The following CDKL3 variants were observed in gnomAD, a reference collection of about 807,000 sequenced individuals.
CDKL3 encodes the protein cyclin-dependent kinase-like 3.
Under a neutral mutation model 69.3 loss-of-function variants are expected in CDKL3, and 65 were observed. That is an observed-to-expected ratio of 0.94 (90% CI 0.77 to 1.15). CDKL3 has a LOEUF of 1.15. Ranked by LOEUF, CDKL3 falls within the 50% of genes most tolerant of loss-of-function variation. The probability of loss-of-function intolerance (pLI) is 0.00; values close to 1 mark genes in which losing one functional copy is unlikely to be tolerated. For missense variants in CDKL3, 652 were observed against 689.2 expected (o/e 0.95, Z 0.61); for synonymous variants, 202 against 221.6 (o/e 0.91, Z 0.79).
At chr5:134,310,047 T>TTCAAGACCA (rs1294796968) in intron 7 of CDKL3, among the ~76,000 whole-genome samples, 5 of 152,154 alleles carry the variant, frequency 3.3e-5, no homozygotes, top group Non-Finnish European at 7.3e-5. Flanking sequence ...CCCAGGCTGG[T>TTCAAGACCA]CTTGAACTCC....
At chr5:134,300,329 ACT>A (rs751814746) in intron 12 of CDKL3, among the ~76,000 whole-genome samples, 41 of 152,148 alleles carry the variant, frequency 2.7e-4, no homozygotes, top group Non-Finnish European at 5.7e-4. Flanking sequence ...GCAGAGTGAG[ACT>A]CTGTCTCAAT....
chr5:134,365,094 T>C (rs1452360154), intron 2 of CDKL3, among the ~76,000 whole-genome samples: 2 of 151,958 alleles, frequency 1.3e-5, no homozygotes, highest in Non-Finnish European at 2.9e-5. Context: ...GCCATTCTCC[T>C]GCCTCAGCCT....
At chr5:134,331,913 C>A (rs1267377153) in intron 4 of CDKL3, among the ~76,000 whole-genome samples, 1 of 151,514 alleles carries the variant, frequency 6.6e-6, no homozygotes, top group Non-Finnish European at 1.5e-5. Context: ...ATTTACACTC[C>A]CAGTGTAAAA....
chr5:134,292,020 C>T (rs1765144246), intron 8 of CDKL3, among the ~76,000 whole-genome samples: 1 of 152,030 alleles, frequency 6.6e-6, no homozygotes, highest in Non-Finnish European at 1.5e-5. Flanking sequence ...GACAAATCCA[C>T]GATTATAATT....
At chr5:134,290,863 A>G (rs1327283160) in intron 8 of CDKL3, among the ~76,000 whole-genome samples, 2 of 152,100 alleles carry the variant, frequency 1.3e-5, no homozygotes, top group African/African-American at 4.8e-5. Context: ...AAGAACACCC[A>G]GGCAGTGCAT....
chr5:134,296,406 A>C (rs1765351929), downstream of CDKL3, among the ~76,000 whole-genome samples: 1 of 152,212 alleles, frequency 6.6e-6, no homozygotes, highest in Admixed American at 6.5e-5. Context: ...AGACAGTCAT[A>C]CATATTCAGC....
chr5:134,371,507 T>G, upstream of CDKL3: 6 of 1,439,456 alleles, frequency 4.2e-6, no homozygotes, highest in Non-Finnish European at 5.5e-6. Context: ...GCGGCGGCGA[T>G]CCACAGTGAT....
chr5:134,326,094 C>T (rs1256904263), intron 4 of CDKL3, among the ~76,000 whole-genome samples: 1 of 152,008 alleles, frequency 6.6e-6, no homozygotes. Context: ...TTTTTAAGTA[C>T]TCTCTCCACA....
downstream of CDKL3, among the ~76,000 whole-genome samples, chr5:134,283,564 A>G (rs144245362): frequency 5.1e-4 from 78 of 152,260 alleles, no homozygotes; most frequent in East Asian, 0.014. Context: ...CCAAGATTCA[A>G]TTACCTCCCA....
At chr5:134,368,061 T>C (rs1221780681), upstream of CDKL3, among the ~76,000 whole-genome samples, 1 of 152,238 alleles carries the variant, frequency 6.6e-6, no homozygotes, top group Admixed American at 6.5e-5. Flanking sequence ...GGAAAGGCAT[T>C]ATTTAATAAA....
Position 134,359,924 on chromosome 5 carries a change from T to C in CDKL3, c.333A>G (p.Arg111=). The C allele has an allele frequency of 6.3e-7, 1 of 1,585,704 alleles. No individual in the cohort carries two copies. The highest frequency in any genetic ancestry group is 8.6e-7 in the Non-Finnish European group (1 of 1,165,528). ...RLRKYLFQIL[R]AIDYLHSNNI... Reference sequence around the variant, plus strand: ...TATTACTGTGAAGATAGTCAATTGCTCGAAGGATCTGGAAGAGGTATTTTC... The same window carrying C: ...TATTACTGTGAAGATAGTCAATTGCCCGAAGGATCTGGAAGAGGTATTTTC... The change falls in exon 3 of 13, where the codon CGA becomes CGG. Residue 111 remains arginine, a synonymous_variant. Coordinates refer to ENST00000265334, the MANE Select transcript of CDKL3 (RefSeq NM_001113575.2).
In CDKL3 at chr5:134,302,611, A is replaced by T; in HGVS notation, c.1698T>A (p.Asp566Glu). Reference protein sequence around the residue: ...SSKIPTLLNVDQNQEKQEGGD... With the variant: ...SSKIPTLLNVEQNQEKQEGGD... ...TTACCTCTTGTTTTTCTTGATTTTG[A>T]TCCACGTTAAGTAAAGTTGGTATCT... is the stretch of plus-strand genomic sequence containing the variant. The change falls in exon 12 of 13, where the codon GAT becomes GAA. Residue 566 changes from aspartate to glutamate, a missense_variant. Coordinates refer to ENST00000265334, the MANE Select transcript of CDKL3 (RefSeq NM_001113575.2). 2 of 1,587,980 alleles carry T rather than the reference A, an allele frequency of 1.3e-6. No individual in the cohort carries two copies. Among genetic ancestry groups the T allele is most frequent in the Non-Finnish European group, 8.6e-7 (1 of 1,161,570 alleles).
intron 4 of CDKL3, among the ~76,000 whole-genome samples, chr5:134,343,949 C>T (rs887270562): frequency 6.6e-6 from 1 of 152,192 alleles, no homozygotes; most frequent in Non-Finnish European, 1.5e-5. Flanking sequence ...CTTGATGAAT[C>T]GGCTCTGTCT....
intron 3 of CDKL3, among the ~76,000 whole-genome samples, chr5:134,356,420 G>A (rs1754629968): frequency 6.6e-6 from 1 of 152,188 alleles, no homozygotes; most frequent in Non-Finnish European, 1.5e-5. Flanking sequence ...TGGCCCAGGG[G>A]TTGGGGACCC....
downstream of CDKL3, among the ~76,000 whole-genome samples, chr5:134,295,011 C>CTTAT (rs1765285544): frequency 7.0e-5 from 7 of 100,422 alleles, no homozygotes; most frequent in Admixed American, 7.5e-4. Context: ...ATTTTTTTTT[C>CTTAT]TTTTTTTTTT....
chr5:134,340,861 C>T (rs1228606168), intron 4 of CDKL3, among the ~76,000 whole-genome samples: 2 of 152,064 alleles, frequency 1.3e-5, no homozygotes, highest in Non-Finnish European at 2.9e-5. Context: ...TTTTTAAAAC[C>T]AGTATTTCCC....
chr5:134,312,151 T>C lies in CDKL3; in HGVS notation c.881+141A>G, dbSNP rs941695607. The C allele has an allele frequency of 1.1e-5, 7 of 630,872 alleles. No homozygotes were observed. In the African/African-American group the frequency reaches 1.1e-4, roughly 10 times the overall value. 39.1% of individuals were successfully genotyped at this position (630,872 alleles called of 1,614,324 possible). ...TTAAGTCTGCTGTCTTCCTAGTCAATACCTGATACAATAACTCAATAAATT... is the reference window on the plus strand; with the variant it reads ...TTAAGTCTGCTGTCTTCCTAGTCAACACCTGATACAATAACTCAATAAATT... On this transcript the variant is annotated intron_variant, in intron 7 of 12. Coordinates refer to ENST00000265334, the MANE Select transcript of CDKL3 (RefSeq NM_001113575.2).
At chr5:134,320,661 G>A (rs1356345729) in intron 5 of CDKL3, among the ~76,000 whole-genome samples, 2 of 151,896 alleles carry the variant, frequency 1.3e-5, no homozygotes, top group Admixed American at 6.6e-5. Flanking sequence ...GGATCACGAG[G>A]TCAGGAAATC....
chr5:134,328,340 A>G (rs1476819422), intron 4 of CDKL3, among the ~76,000 whole-genome samples: 1 of 152,266 alleles, frequency 6.6e-6, no homozygotes, highest in African/African-American at 2.4e-5. Context: ...ACATGTATAT[A>G]TGTATAAAGA....
Sources: allele counts gnomAD v4.1 joint callset (sites outside exome capture counted in the v4.1 genomes callset), GRCh38; gene constraint gnomAD v4.1.1; transcripts MANE v1.5; gene names NCBI Gene and HGNC (gene_info 2026-07-23, HGNC 2026-07-21).